IQCM: variants seen among roughly 807,000 people sequenced by gnomAD.
IQCM encodes IQ domain-containing protein M.
IQCM carries 45 observed loss-of-function variants against 57.6 expected under a neutral mutation model. The observed-to-expected ratio is 0.78, with a 90% CI of 0.62 to 1.00. The LOEUF (loss-of-function observed/expected upper bound fraction) is 1.00. Ranked by LOEUF, IQCM falls within the 50% of genes least tolerant of loss-of-function variation. The pLI is 0.00. For synonymous variants in IQCM, 148 were observed against 158.9 expected, an observed-to-expected ratio of 0.93 and a Z score of 0.51; for missense variants, 468 against 511.6, an observed-to-expected ratio of 0.91 and a Z score of 0.82.
chr4:149,363,435 T>C (rs1434387491), intron 13 of IQCM, among the ~76,000 whole-genome samples: 1 of 152,196 alleles, frequency 6.6e-6, no homozygotes, highest in Non-Finnish European at 1.5e-5. Flanking sequence ...ATTTGTAGAA[T>C]TTATTGCAAT....
chr4:149,676,945 CA>C (rs1447398140), intron 7 of IQCM, among the ~76,000 whole-genome samples: 1 of 151,768 alleles, frequency 6.6e-6, no homozygotes, highest in Non-Finnish European at 1.5e-5. Context: ...AATTCAAACA[CA>C]AAAATTATGA....
chr4:149,569,388 C>T (rs905768386), intron 9 of IQCM, among the ~76,000 whole-genome samples: 38 of 152,030 alleles, frequency 2.5e-4, no homozygotes, highest in African/African-American at 8.2e-4. Flanking sequence ...TGTCAATGTC[C>T]TTGTTGTCAA....
At chr4:149,697,519 G>A (rs1763432477) in intron 5 of IQCM, among the ~76,000 whole-genome samples, 1 of 152,074 alleles carries the variant, frequency 6.6e-6, no homozygotes, top group South Asian at 2.1e-4. Flanking sequence ...TTTATACCCT[G>A]GGAGTCAGGA....
intron 2 of IQCM, among the ~76,000 whole-genome samples, chr4:149,812,196 G>C (rs1011929895): frequency 1.3e-5 from 2 of 152,126 alleles, no homozygotes; most frequent in Non-Finnish European, 2.9e-5. Flanking sequence ...AAATACAAAT[G>C]CTTCTTTTAA....
chr4:149,789,621 A>G (rs1170729490), intron 2 of IQCM, among the ~76,000 whole-genome samples: 1 of 152,226 alleles, frequency 6.6e-6, no homozygotes, highest in Non-Finnish European at 1.5e-5. Flanking sequence ...AGAGTTCAAG[A>G]CCAGCTGAGC....
At position 149,771,684 on chromosome 4, in the gene IQCM, T is replaced by TTG. The variant is rs200704003; in HGVS notation, c.-48-28947_-48-28946dup. Among the ~76,000 whole-genome samples, 1,288 of 152,156 alleles carry TTG rather than the reference T, an allele frequency of 8.5e-3. 20 individuals are homozygous for TTG. The highest frequency in any genetic ancestry group is 0.028 in the African/African-American group (1,155 of 41,546). On this transcript the variant is annotated intron_variant, in intron 2 of 13. Coordinates refer to ENST00000636793, the MANE Select transcript of IQCM (RefSeq NM_001363507.2). ...TGAGATTACATTGTATATCCTAAGTTTGTGTGTGTGTCTGTACTTGTTATT... is the reference window on the plus strand; with the variant it reads ...TGAGATTACATTGTATATCCTAAGTTTGTGTGTGTGTGTCTGTACTTGTTATT...
chr4:149,699,508 G>A (rs1459563437), intron 5 of IQCM, among the ~76,000 whole-genome samples: 2 of 151,724 alleles, frequency 1.3e-5, no homozygotes, highest in East Asian at 3.9e-4. Flanking sequence ...AGGCTTACTG[G>A]GCTCTAGTCC....
At chr4:149,807,935 G>A (rs189084217) in intron 2 of IQCM, among the ~76,000 whole-genome samples, 40 of 152,184 alleles carry the variant, frequency 2.6e-4, no homozygotes, top group African/African-American at 7.9e-4. Flanking sequence ...TGGTGATGAC[G>A]TGGAGAAAAG....
At chr4:149,545,633 T>C (rs1044590510) in intron 12 of IQCM, among the ~76,000 whole-genome samples, 2 of 152,122 alleles carry the variant, frequency 1.3e-5, no homozygotes, top group African/African-American at 4.8e-5. Context: ...TTATGGAATT[T>C]CCTTAAACAA....
chr4:149,519,582 C>T (rs1305515562), intron 12 of IQCM, among the ~76,000 whole-genome samples: 2 of 151,880 alleles, frequency 1.3e-5, no homozygotes, highest in South Asian at 2.1e-4. Context: ...AGAGGCAGAG[C>T]TTGCAATGAG....
intron 12 of IQCM, among the ~76,000 whole-genome samples, chr4:149,508,002 C>T (rs572410404): frequency 7.2e-5 from 11 of 151,936 alleles, no homozygotes; most frequent in African/African-American, 2.7e-4. Context: ...TGAGCTGCTG[C>T]TTCAGAGGGT....
At chr4:149,706,493 T>C (rs538061615) in intron 5 of IQCM, among the ~76,000 whole-genome samples, 84 of 152,086 alleles carry the variant, frequency 5.5e-4, no homozygotes, top group African/African-American at 1.9e-3. Flanking sequence ...ATCAGCTATT[T>C]CACACATTGA....
intron 13 of IQCM, among the ~76,000 whole-genome samples, chr4:149,381,091 A>G (rs1044526597): frequency 3.9e-5 from 6 of 152,108 alleles, no homozygotes; most frequent in Admixed American, 2.6e-4. Context: ...CATCTTTTGC[A>G]GGCTAAAACT....
chr4:149,697,935 C>T (rs1407615473), intron 5 of IQCM, among the ~76,000 whole-genome samples: 8 of 151,970 alleles, frequency 5.3e-5, no homozygotes, highest in Non-Finnish European at 8.8e-5. Context: ...CTCTTTCTAA[C>T]TCACATATAG....
intron 5 of IQCM, among the ~76,000 whole-genome samples, chr4:149,724,895 G>A (rs1308532897): frequency 6.6e-6 from 1 of 151,562 alleles, no homozygotes; most frequent in Non-Finnish European, 1.5e-5. Context: ...ATTTCTAATA[G>A]TCAATCATTT....
At chr4:149,501,790 G>C (rs2149792966) in intron 12 of IQCM, among the ~76,000 whole-genome samples, 1 of 152,240 alleles carries the variant, frequency 6.6e-6, no homozygotes, top group East Asian at 1.9e-4. Flanking sequence ...TTTGCCACTT[G>C]GAAATTGATT....
chr4:149,808,796 T>A (rs1774306789), intron 2 of IQCM, among the ~76,000 whole-genome samples: 1 of 152,174 alleles, frequency 6.6e-6, no homozygotes, highest in African/African-American at 2.4e-5. Context: ...TCTATCAGAA[T>A]GTAATGAAAT....
intron 12 of IQCM, among the ~76,000 whole-genome samples, chr4:149,528,406 TA>T (rs145728561): frequency 0.21 from 32,628 of 152,100 alleles, 4,359 homozygotes; most frequent in Non-Finnish European, 0.29. Flanking sequence ...GTTAAGGCAT[TA>T]AAATATTTTA....
chr4:149,489,944 T>C (rs1207592787), intron 12 of IQCM, among the ~76,000 whole-genome samples: 1 of 152,026 alleles, frequency 6.6e-6, no homozygotes, highest in Non-Finnish European at 1.5e-5. Flanking sequence ...TTTTTGTTTT[T>C]GTTTGGTTAA....
Sources: gnomAD v4.1 joint callset for allele counts (sites outside exome capture counted in the v4.1 genomes callset) on GRCh38, gnomAD v4.1.1 for gene constraint, MANE v1.5 for transcripts, NCBI Gene and HGNC (gene_info 2026-07-23, HGNC 2026-07-21) for gene names.